The following PARVG variants were observed in gnomAD, a reference collection of about 807,000 sequenced individuals.
The protein encoded by PARVG is parvin gamma, also known as gamma-parvin.
Under a neutral mutation model 44.4 loss-of-function variants are expected in PARVG, and 36 were observed. The observed-to-expected ratio is 0.81, with a 90% CI of 0.62 to 1.07. The LOEUF (loss-of-function observed/expected upper bound fraction) is 1.07, where lower values mean the gene tolerates loss of function less well. PARVG is among the 50% of genes least tolerant of loss of function. The pLI, the probability that PARVG is intolerant of heterozygous loss-of-function variation, is 0.00. For synonymous variants in PARVG, 170 were observed against 174.1 expected (o/e 0.98, Z 0.19); for missense variants, 407 against 407.4 (o/e 1.00, Z 0.01).
chr22:44,199,172 C>T (rs1339171219), intron 12 of PARVG, among the ~76,000 whole-genome samples: 1 of 147,302 alleles, frequency 6.8e-6, no homozygotes, highest in Non-Finnish European at 1.5e-5. Context: ...CACCTATCTT[C>T]CTGTCTGTTT....
chr22:44,201,796 C>T (rs953789196), intron 12 of PARVG, among the ~76,000 whole-genome samples: 3 of 152,128 alleles, frequency 2.0e-5, no homozygotes, highest in African/African-American at 4.8e-5. Context: ...ATCAGGCTGT[C>T]GTGGCTGGGT....
At chr22:44,179,119 G>A (rs1021572413), upstream of PARVG, among the ~76,000 whole-genome samples, 2 of 108,190 alleles carry the variant, frequency 1.8e-5, no homozygotes. This position sits in a 1 kb window ranked among gnomAD's most constrained non-coding sequence, Gnocchi z 4.2. Flanking sequence ...ATTTCACACC[G>A]TGTCTCTGAA....
chr22:44,174,934 T>A (rs534354252), intron 1 of PARVG, among the ~76,000 whole-genome samples: 1 of 151,860 alleles, frequency 6.6e-6, no homozygotes, highest in African/African-American at 2.4e-5. Context: ...CCAGCCTGGC[T>A]AACATGGTGA....
rs1569191158 is a variant in PARVG, at chr22:44,206,817, C to T, written c.*391C>T. On this transcript the variant is annotated 3_prime_UTR_variant, in exon 14 of 14. Coordinates refer to ENST00000444313, the MANE Select transcript of PARVG (RefSeq NM_022141.7). ...GCTGGGGACTCTCAGGGACAGGGCC[C>T]ACAGCCCCAGACCCCACCTTTTCCA... The T allele has an allele frequency of 4.3e-6, 1 of 234,050 alleles. No individual in the cohort carries two copies. Among genetic ancestry groups the T allele is most frequent in the Non-Finnish European group, 8.4e-6 (1 of 119,512 alleles). The allele number at this position is 234,050 out of a possible 1,614,324, so 14.5% of individuals were successfully genotyped here. A position where few individuals can be genotyped will look rare whatever the true frequency, so the allele number is the denominator to read the frequency against.
intron 4 of PARVG, chr22:44,186,131 A>G (rs1271463357): frequency 1.1e-5 from 4 of 348,464 alleles, no homozygotes; most frequent in South Asian, 5.0e-5. Flanking sequence ...AGGGGAATCT[A>G]TTATCCCTTA....
intron 12 of PARVG, among the ~76,000 whole-genome samples, chr22:44,201,295 T>A (rs907987995): frequency 5.9e-5 from 9 of 152,144 alleles, no homozygotes; most frequent in African/African-American, 1.9e-4. Context: ...TCCTTGCCCC[T>A]GTGAGAGCGG....
intron 12 of PARVG, among the ~76,000 whole-genome samples, chr22:44,198,932 A>ACCCG: frequency 1.7e-5 from 1 of 57,336 alleles, no homozygotes; most frequent in Non-Finnish European, 4.3e-5. Context: ...CTACCCATCC[A>ACCCG]TCCATCCACC....
intron 9 of PARVG, among the ~76,000 whole-genome samples, chr22:44,195,431 T>C (rs900985306): frequency 6.6e-6 from 1 of 152,204 alleles, no homozygotes; most frequent in Non-Finnish European, 1.5e-5. Context: ...AGTCTGTGTA[T>C]TTGGTGCCCA....
At chr22:44,188,877 A>C in intron 5 of PARVG, 1 of 563,580 alleles carries the variant, frequency 1.8e-6, no homozygotes, top group Non-Finnish European at 3.2e-6. Flanking sequence ...AGGCTTGCTC[A>C]CATCATGTGG....
intron 1 of PARVG, among the ~76,000 whole-genome samples, chr22:44,174,561 A>AC (rs977879009): frequency 7.2e-4 from 42 of 58,508 alleles, no homozygotes; most frequent in African/African-American, 2.5e-3. Context: ...AAACAAACAA[A>AC]AAAAAAAACC....
At position 44,181,044 on chromosome 22, in the gene PARVG, C is replaced by A; in HGVS notation, c.-330C>A. ...TTTCTCCACCTGCCACGTTCTCACC[C>A]CTTCTTCTTCCACTGCAAACTCCTA... is the stretch of plus-strand genomic sequence containing the variant. On this transcript the variant is annotated 5_prime_UTR_variant, in exon 1 of 14. Coordinates refer to ENST00000444313, the MANE Select transcript of PARVG (RefSeq NM_022141.7). 1.1e-6 allele frequency: 1 copy of A among 930,272 alleles called. No homozygotes were observed. The highest frequency in any genetic ancestry group is 1.3e-6 in the Non-Finnish European group (1 of 779,712). The allele number at this position is 930,272 out of a possible 1,614,324, so 57.6% of individuals were successfully genotyped here.
chr22:44,173,288 T>C, intron 1 of PARVG: 2 of 1,050,818 alleles, frequency 1.9e-6, no homozygotes, highest in South Asian at 3.3e-5. Flanking sequence ...CACATGGAGG[T>C]GGTCTCCTTA....
intron 1 of PARVG, 157 bp downstream of exon 1, chr22:44,181,342 C>T (rs977223232): frequency 1.0e-4 from 101 of 984,976 alleles, no homozygotes; most frequent in Non-Finnish European, 1.2e-4. Flanking sequence ...GGGCAGGGGG[C>T]GTGGGGAAGT....
At chr22:44,177,462 A>C (rs1218313633), upstream of PARVG, among the ~76,000 whole-genome samples, 2 of 152,336 alleles carry the variant, frequency 1.3e-5, no homozygotes, top group Admixed American at 6.5e-5. Context: ...AGGCAGGACA[A>C]GGCATTGAAT....
intron 12 of PARVG, among the ~76,000 whole-genome samples, chr22:44,204,462 C>G (rs2147242036): frequency 6.6e-6 from 1 of 152,378 alleles, no homozygotes; most frequent in South Asian, 2.1e-4. Context: ...TGTCCGAGGT[C>G]AGACACTTAG....
chr22:44,202,555 G>A (rs1363419972), intron 12 of PARVG, among the ~76,000 whole-genome samples: 2 of 152,240 alleles, frequency 1.3e-5, no homozygotes, highest in Admixed American at 1.3e-4. Flanking sequence ...CTGAATATGA[G>A]TCAGATTAGA....
intron 4 of PARVG, 91 bp downstream of exon 4, chr22:44,185,963 C>A: frequency 7.6e-7 from 1 of 1,309,224 alleles, no homozygotes. Context: ...AGGCTGTCCC[C>A]ACTCCTTGGC....
At chr22:44,201,537 G>T (rs760131452) in intron 12 of PARVG, among the ~76,000 whole-genome samples, 1 of 152,208 alleles carries the variant, frequency 6.6e-6, no homozygotes, top group Non-Finnish European at 1.5e-5. Flanking sequence ...TCAGAGCAAC[G>T]AGGCCGGGGC....
At chr22:44,192,946 G>C (rs1014164988) in intron 8 of PARVG, among the ~76,000 whole-genome samples, 6 of 152,188 alleles carry the variant, frequency 3.9e-5, no homozygotes, top group African/African-American at 1.4e-4. Flanking sequence ...GCTAACTCAC[G>C]ATCTCTCACA....
Sources: gnomAD v4.1 joint callset for allele counts (sites outside exome capture counted in the v4.1 genomes callset) on GRCh38, gnomAD v4.1.1 for gene constraint, Gnocchi (gnomAD v3.1) non-coding constraint, MANE v1.5 for transcripts, NCBI Gene and HGNC (gene_info 2026-07-23, HGNC 2026-07-21) for gene names.